MDFIC: variants seen among roughly 807,000 people sequenced by gnomAD.
MDFIC encodes the protein myoD family inhibitor domain-containing protein.
In MDFIC, 17 loss-of-function variants were observed where a neutral mutation model predicts 23.2. The ratio of observed to expected loss-of-function variants is 0.73; its 90% CI spans 0.50 to 1.10. MDFIC has a LOEUF of 1.10. Among genes scored for constraint, MDFIC ranks in the 50% least tolerant of loss-of-function variants. The probability of loss-of-function intolerance (pLI) is 0.00; values close to 1 mark genes in which losing one functional copy is unlikely to be tolerated. For synonymous variants in MDFIC, 120 were observed against 115.2 expected, an observed-to-expected ratio of 1.04 and a Z score of -0.27; for missense variants, 356 against 316.6, an observed-to-expected ratio of 1.12 and a Z score of -0.95.
intron 4 of MDFIC, 122 bp downstream of exon 4, chr7:114,979,903 T>C: frequency 8.1e-7 from 1 of 1,241,676 alleles, no homozygotes; most frequent in South Asian, 1.3e-5. Flanking sequence ...ACAGGAATTT[T>C]GGTAAAATGC....
At chr7:114,935,296 G>A (rs1792401866) in intron 2 of MDFIC, among the ~76,000 whole-genome samples, 1 of 151,984 alleles carries the variant, frequency 6.6e-6, no homozygotes, top group Non-Finnish European at 1.5e-5. Context: ...TAAATGCTCT[G>A]TCATAGATTA....
intron 3 of MDFIC, among the ~76,000 whole-genome samples, chr7:114,963,506 A>T (rs1344469692): frequency 1.3e-5 from 2 of 152,270 alleles, no homozygotes; most frequent in East Asian, 3.9e-4. Flanking sequence ...AAACTAAAAA[A>T]TTTCCCTTGA....
chr7:114,944,768 A>T (rs897048325), intron 3 of MDFIC, among the ~76,000 whole-genome samples: 4 of 152,182 alleles, frequency 2.6e-5, no homozygotes, highest in African/African-American at 7.2e-5. Context: ...CTTTTGTAAT[A>T]ACAATAGGCC....
At chr7:114,972,633 T>C (rs1462838996) in intron 3 of MDFIC, among the ~76,000 whole-genome samples, 1 of 152,184 alleles carries the variant, frequency 6.6e-6, no homozygotes, top group Non-Finnish European at 1.5e-5. Flanking sequence ...CTCTCTTTTT[T>C]TTCTTTCTTT....
chr7:114,975,770 G>T (rs1793297179), intron 3 of MDFIC, among the ~76,000 whole-genome samples: 1 of 152,020 alleles, frequency 6.6e-6, no homozygotes, highest in Non-Finnish European at 1.5e-5. Flanking sequence ...TTTAATTTCT[G>T]TTGAGATAGC....
At chr7:114,975,050 G>C (rs1793282820) in intron 3 of MDFIC, among the ~76,000 whole-genome samples, 1 of 151,826 alleles carries the variant, frequency 6.6e-6, no homozygotes, top group South Asian at 2.1e-4. Flanking sequence ...TGAATATCAA[G>C]AATACTTTTT....
chr7:115,015,963 TGGAGAGTGTTTAAA>T lies in MDFIC; in HGVS notation c.*29_*42del. The T allele has an allele frequency of 6.3e-7, 1 of 1,590,048 alleles. No individual in the cohort carries two copies. Among genetic ancestry groups the T allele is most frequent in the Non-Finnish European group, 8.6e-7 (1 of 1,168,352 alleles). ...ATTTATCTTTTGTTTGTGTTAAAACTGGAGAGTGTTTAAAAATTTCCTTTTGGGGGGAAGAAAAG... is the reference window on the plus strand; with the variant it reads ...ATTTATCTTTTGTTTGTGTTAAAACTAATTTCCTTTTGGGGGGAAGAAAAG... On this transcript the variant is annotated 3_prime_UTR_variant, in exon 5 of 5. Coordinates refer to ENST00000393486, the MANE Select transcript of MDFIC (RefSeq NM_001166345.3).
At chr7:114,983,026 C>G (rs1452638196) in intron 4 of MDFIC, among the ~76,000 whole-genome samples, 1 of 152,220 alleles carries the variant, frequency 6.6e-6, no homozygotes, top group African/African-American at 2.4e-5. Flanking sequence ...AATATCATCA[C>G]ATTGTCCATG....
chr7:115,000,002 A>T (rs1454991162), intron 4 of MDFIC, among the ~76,000 whole-genome samples: 1 of 152,158 alleles, frequency 6.6e-6, no homozygotes, highest in Non-Finnish European at 1.5e-5. Flanking sequence ...TTATCAGATC[A>T]CCACTAGAAC....
At position 114,922,622 on chromosome 7, in the gene MDFIC, C is replaced by G. The variant is rs1792106207; in HGVS notation, c.-122C>G. 1.6e-6 allele frequency: 2 copies of G among 1,280,444 alleles called. No individual in the cohort carries two copies. The highest frequency in any genetic ancestry group is 2.3e-4 in the Middle Eastern group (1 of 4,364). The allele number at this position is 1,280,444 out of a possible 1,614,324, so 79.3% of individuals were successfully genotyped here. ...AGGAGGAAGGGGCTTGGAGCGACTA[C>G]GGGGGGATGCGGAGGTAGGTAGTGG... On this transcript the variant is annotated 5_prime_UTR_variant, in exon 1 of 5. Transcript: ENST00000393486.
intron 3 of MDFIC, among the ~76,000 whole-genome samples, chr7:114,955,003 T>C (rs1792856856): frequency 1.3e-5 from 2 of 152,200 alleles, no homozygotes; most frequent in South Asian, 4.1e-4. Flanking sequence ...GTCGGTCTTT[T>C]GCATACCAGA....
At chr7:115,001,082 A>G (rs1008148354) in intron 4 of MDFIC, among the ~76,000 whole-genome samples, 1 of 152,188 alleles carries the variant, frequency 6.6e-6, no homozygotes, top group Non-Finnish European at 1.5e-5. Context: ...CATCCTCTCA[A>G]GTGGATGTAG....
chr7:114,952,083 C>T (rs962654211), intron 3 of MDFIC, among the ~76,000 whole-genome samples: 2 of 152,200 alleles, frequency 1.3e-5, no homozygotes, highest in Non-Finnish European at 2.9e-5. Flanking sequence ...TTCTGGTAAA[C>T]ATAAAGTAAT....
At chr7:114,971,634 G>C (rs1204816608) in intron 3 of MDFIC, among the ~76,000 whole-genome samples, 2 of 152,050 alleles carry the variant, frequency 1.3e-5, no homozygotes, top group East Asian at 3.9e-4. Context: ...GACAAATTTG[G>C]CTTTACATCA....
In MDFIC at chr7:115,018,888, G is replaced by A. The variant is rs970013238; in HGVS notation, c.*2953G>A. ...TCTGAAGATTTCCTAGTCTTCTTAT[G>A]TAAATCACATGACTCATGTCCGTAA... On this transcript the variant is annotated 3_prime_UTR_variant, in exon 5 of 5. Transcript: ENST00000393486. The A allele has an allele frequency of 1.3e-5, 2 of 151,756 alleles. No homozygotes were observed. The highest frequency in any genetic ancestry group is 2.4e-5 in the African/African-American group (1 of 41,350). 9.4% of individuals were successfully genotyped at this position (151,756 alleles called of 1,614,324 possible). A position where few individuals can be genotyped will look rare whatever the true frequency, so the allele number is the denominator to read the frequency against.
At chr7:114,952,418 T>A (rs1409800159) in intron 3 of MDFIC, among the ~76,000 whole-genome samples, 2 of 149,858 alleles carry the variant, frequency 1.3e-5, no homozygotes, top group East Asian at 3.9e-4. Context: ...TTTGCTCCAT[T>A]TTTTTTTTTT....
At chr7:114,969,011 T>A (rs1021771516) in intron 3 of MDFIC, among the ~76,000 whole-genome samples, 3 of 152,220 alleles carry the variant, frequency 2.0e-5, no homozygotes, top group African/African-American at 4.8e-5. Flanking sequence ...TTGGGTTTGC[T>A]TTTATTACAA....
At chr7:114,972,045 G>C (rs1220172990) in intron 3 of MDFIC, among the ~76,000 whole-genome samples, 1 of 152,088 alleles carries the variant, frequency 6.6e-6, no homozygotes, top group Non-Finnish European at 1.5e-5. Flanking sequence ...GAAAAACAAG[G>C]GTTAGAGGCT....
At position 114,984,661 on chromosome 7, in the gene MDFIC, A is replaced by T. The variant is rs937646086; in HGVS notation, c.493+4880A>T. Among the ~76,000 whole-genome samples, 8 of 152,302 alleles carry T rather than the reference A, an allele frequency of 5.3e-5. No individual in the cohort carries two copies. In the East Asian group the frequency reaches 1.3e-3, roughly 26 times the overall value. ...ACCCAGGTGGAGAGTTTTAAGACTA[A>T]ATGTTTAAGATTCTTGACCTTTGAA... On this transcript the variant is annotated intron_variant, in intron 4 of 4. Transcript: ENST00000393486.
Sources: gnomAD v4.1 joint callset for allele counts (sites outside exome capture counted in the v4.1 genomes callset) on GRCh38, gnomAD v4.1.1 for gene constraint, MANE v1.5 for transcripts, NCBI Gene and HGNC (gene_info 2026-07-23, HGNC 2026-07-21) for gene names.